Variants in NRXN1 observed in about 807,000 individuals in gnomAD.
NRXN1 encodes the protein neurexin-1.
NRXN1 carries 39 observed loss-of-function variants against 150.9 expected under a neutral mutation model. That is an observed-to-expected ratio of 0.26 (90% confidence interval 0.20 to 0.34). The LOEUF (loss-of-function observed/expected upper bound fraction) is 0.34, where lower values mean the gene tolerates loss of function less well. NRXN1 is among the 10% of genes least tolerant of loss of function. NRXN1 has a pLI of 1.00. For missense variants in NRXN1, 1,815 were observed against 1,949.9 expected, an observed-to-expected ratio of 0.93 and a Z score of 1.30; for synonymous variants, 924 against 757.0, an observed-to-expected ratio of 1.22 and a Z score of -3.62.
intron 9 of NRXN1, among the ~76,000 whole-genome samples, chr2:50,549,529 A>C (rs1255184998): frequency 6.6e-6 from 1 of 152,198 alleles, no homozygotes; most frequent in African/African-American, 2.4e-5. Flanking sequence ...TTTCCACTGG[A>C]TTCAAAGAAA....
intron 18 of NRXN1, among the ~76,000 whole-genome samples, chr2:50,103,542 C>G (rs1701250662): frequency 1.3e-5 from 2 of 151,974 alleles, no homozygotes; most frequent in Non-Finnish European, 1.5e-5. Context: ...ACGAAGGATT[C>G]TCTATCCAAT....
intron 22 of NRXN1, among the ~76,000 whole-genome samples, chr2:49,937,177 T>A (rs966770764): frequency 1.3e-5 from 2 of 152,136 alleles, no homozygotes; most frequent in South Asian, 2.1e-4. Flanking sequence ...TGTAAAACTA[T>A]CCCCCTGTCA....
At chr2:50,032,638 T>C (rs947116834) in intron 21 of NRXN1, among the ~76,000 whole-genome samples, 8 of 151,978 alleles carry the variant, frequency 5.3e-5, no homozygotes, top group East Asian at 1.9e-4. Flanking sequence ...ATGTGACTTA[T>C]TTGAAGAGAG....
rs780033306 is a variant in NRXN1 at position 50,515,425 on chromosome 2, G to A, written c.2375-8808C>T. Among the ~76,000 whole-genome samples, 11 of 152,186 alleles carry A rather than the reference G, an allele frequency of 7.2e-5. No individual in the cohort carries two copies. In the East Asian group the frequency reaches 7.7e-4, roughly 11 times the overall value. On this transcript the variant is annotated intron_variant, in intron 12 of 22. Coordinates refer to ENST00000401669, the MANE Select transcript of NRXN1 (RefSeq NM_001330078.2). The stretch of plus-strand genomic sequence containing the variant: ...ATTCAATTATCCTGAAATCACTCCC[G>A]TCTGTGGTAAAATTGTCTTCCATGA...
chr2:50,494,799 G>A (rs1164525202), intron 15 of NRXN1, among the ~76,000 whole-genome samples: 2 of 152,244 alleles, frequency 1.3e-5, no homozygotes, highest in Non-Finnish European at 2.9e-5. Flanking sequence ...TTGGGAGGCT[G>A]AGGCAGGCGG....
chr2:50,893,584 G>A (rs749569293), intron 5 of NRXN1, among the ~76,000 whole-genome samples: 19 of 152,098 alleles, frequency 1.2e-4, no homozygotes, highest in Non-Finnish European at 2.2e-4. Flanking sequence ...CTCAAGTGTC[G>A]GTGCAGGACA....
intron 17 of NRXN1, among the ~76,000 whole-genome samples, chr2:50,295,762 A>C (rs1393438965): frequency 2.0e-5 from 3 of 152,232 alleles, no homozygotes; most frequent in Non-Finnish European, 4.4e-5. Flanking sequence ...TCTTTAAAGA[A>C]TGAGGAAGTC....
intron 5 of NRXN1, among the ~76,000 whole-genome samples, chr2:50,814,253 T>G (rs1318873184): frequency 6.6e-6 from 1 of 152,142 alleles, no homozygotes; most frequent in East Asian, 1.9e-4. Context: ...TGCCTTGTCC[T>G]CCCAAAGTGC....
intron 5 of NRXN1, among the ~76,000 whole-genome samples, chr2:50,738,173 C>A (rs1042760165): frequency 6.6e-6 from 1 of 152,156 alleles, no homozygotes; most frequent in African/African-American, 2.4e-5. Flanking sequence ...TTCAGTGAAA[C>A]TGCTGGTTTT....
intron 21 of NRXN1, among the ~76,000 whole-genome samples, chr2:49,985,302 T>C (rs1374805871): frequency 1.3e-5 from 2 of 152,190 alleles, no homozygotes; most frequent in East Asian, 3.9e-4. Context: ...ATTCTACGAT[T>C]CAATAAATTT....
intron 10 of NRXN1, among the ~76,000 whole-genome samples, chr2:50,536,350 G>T (rs535075258): frequency 6.6e-6 from 1 of 152,156 alleles, no homozygotes; most frequent in African/African-American, 2.4e-5. Flanking sequence ...AGATAAAGAC[G>T]TATGCTGAAT....
chr2:50,796,366 T>C (rs1706829094), intron 5 of NRXN1, among the ~76,000 whole-genome samples: 1 of 152,180 alleles, frequency 6.6e-6, no homozygotes, highest in Non-Finnish European at 1.5e-5. Context: ...AATTTTGGAA[T>C]GAAGGCCTTC....
At chr2:50,234,920 C>T (rs570599382) in intron 18 of NRXN1, among the ~76,000 whole-genome samples, 2 of 152,112 alleles carry the variant, frequency 1.3e-5, no homozygotes, top group South Asian at 4.2e-4. Context: ...CAATTCTTTA[C>T]TTATGACAGG....
At chr2:49,952,820 T>G (rs1044456273) in intron 21 of NRXN1, among the ~76,000 whole-genome samples, 23 of 152,148 alleles carry the variant, frequency 1.5e-4, no homozygotes, top group Non-Finnish European at 1.2e-4. Flanking sequence ...CAATGAGATA[T>G]TCATCTTTGT....
At chr2:50,700,913 G>A (rs1441543006) in intron 5 of NRXN1, among the ~76,000 whole-genome samples, 2 of 151,600 alleles carry the variant, frequency 1.3e-5, no homozygotes, top group Admixed American at 1.3e-4. Flanking sequence ...TGATCTGCCC[G>A]CCTCGGCCTC....
chr2:49,996,288 T>A (rs1682987024), intron 21 of NRXN1, among the ~76,000 whole-genome samples: 1 of 152,076 alleles, frequency 6.6e-6, no homozygotes, highest in Admixed American at 6.5e-5. Flanking sequence ...TCAGGACATG[T>A]AGAGAAGGTA....
intron 12 of NRXN1, among the ~76,000 whole-genome samples, chr2:50,521,808 C>G (rs1220157408): frequency 6.6e-6 from 1 of 152,156 alleles, no homozygotes; most frequent in Non-Finnish European, 1.5e-5. Flanking sequence ...GGCCTCTATT[C>G]TAATGACAGC....
At chr2:50,745,168 C>A (rs558952185) in intron 5 of NRXN1, among the ~76,000 whole-genome samples, 1 of 152,172 alleles carries the variant, frequency 6.6e-6, no homozygotes, top group East Asian at 1.9e-4. Flanking sequence ...TGTTACTCAT[C>A]TATACAATAA....
At chr2:50,132,699 T>A (rs1005359451) in intron 18 of NRXN1, among the ~76,000 whole-genome samples, 3 of 152,170 alleles carry the variant, frequency 2.0e-5, no homozygotes, top group Non-Finnish European at 4.4e-5. Flanking sequence ...TTCTCAGTTG[T>A]GTTTCTCTCT....
Sources: gnomAD v4.1 joint callset for allele counts (sites outside exome capture counted in the v4.1 genomes callset) on GRCh38, gnomAD v4.1.1 for gene constraint, MANE v1.5 for transcripts, NCBI Gene and HGNC (gene_info 2026-07-23, HGNC 2026-07-21) for gene names.